The following CNTLN variants were observed in gnomAD, a reference collection of about 807,000 sequenced individuals.
The protein encoded by CNTLN is centlein, also known as centlein, centrosomal protein.
Under a neutral mutation model 180.0 loss-of-function variants are expected in CNTLN, and 212 were observed. The ratio of observed to expected loss-of-function variants is 1.18; its 90% CI spans 1.05 to 1.32. CNTLN has a LOEUF of 1.32. Among genes scored for constraint, CNTLN ranks in the 40% most tolerant of loss-of-function variants. The probability of loss-of-function intolerance (pLI) is 0.00; values close to 1 mark genes in which losing one functional copy is unlikely to be tolerated. For missense variants in CNTLN, 2,095 were observed against 1,610.9 expected, an observed-to-expected ratio of 1.30 and a Z score of -5.14; for synonymous variants, 722 against 563.1, an observed-to-expected ratio of 1.28 and a Z score of -3.99.
At position 17,416,082 on chromosome 9, in the gene CNTLN, A is replaced by G. The variant is rs1241890290; in HGVS notation, c.3007A>G (p.Lys1003Glu). Reference protein sequence around the residue: ...QQNSVLQNAKKTAELSVKEYK... With the variant: ...QQNSVLQNAKETAELSVKEYK... ...AAACAGTGTACTTCAGAATGCCAAG[A>G]AAACAGCAGAATTGTCTGTTAAAGA... Residue 1003 changes from lysine (K) to glutamate (E), a missense_variant, in exon 18 of 26, where the codon AAA becomes GAA. Transcript: ENST00000380647. The G allele has an allele frequency of 6.2e-7, 1 of 1,613,710 alleles. No individual in the cohort carries two copies. The highest frequency in any genetic ancestry group is 1.1e-5 in the South Asian group (1 of 91,058).
chr9:17,234,536 C>T (rs1209154167), intron 3 of CNTLN, among the ~76,000 whole-genome samples: 1 of 152,096 alleles, frequency 6.6e-6, no homozygotes, highest in Non-Finnish European at 1.5e-5. Context: ...CTGGATCTTC[C>T]TCTCATTTTC....
At chr9:17,284,491 G>A (rs983876303) in intron 6 of CNTLN, among the ~76,000 whole-genome samples, 1 of 151,960 alleles carries the variant, frequency 6.6e-6, no homozygotes, top group African/African-American at 2.4e-5. Flanking sequence ...GTTTTGGGAG[G>A]GTGTATGTGT....
intron 2 of CNTLN, among the ~76,000 whole-genome samples, chr9:17,154,461 C>A (rs1054227661): frequency 6.6e-6 from 1 of 152,206 alleles, no homozygotes; most frequent in African/African-American, 2.4e-5. Flanking sequence ...TGGGTATCAG[C>A]AGTAGAGGCT....
Position 17,326,743 on chromosome 9 carries a change from C to CT in CNTLN, c.1342-3888dup, listed in dbSNP as rs1157969731. On this transcript the variant is annotated intron_variant, in intron 8 of 25. Transcript: ENST00000380647. ...ATGTGATGAAAATGGCACTTTACCT[C>CT]TATGATCTTCCTTCTCAAAACTCAT... Among the ~76,000 whole-genome samples, 6 of 152,190 alleles carry CT rather than the reference C, an allele frequency of 3.9e-5. No homozygotes were observed. In the East Asian group the frequency reaches 1.2e-3, roughly 29 times the overall value.
At position 17,236,497 on chromosome 9, in the gene CNTLN, G is replaced by A. The variant is rs756530551; in HGVS notation, c.758G>A (p.Arg253His). Residue 253 changes from arginine to histidine, a missense_variant, in exon 5 of 26, where the codon CGC becomes CAC. By Grantham distance (29) the Arg-to-His change is conservative (BLOSUM62 0). Transcript: ENST00000380647. ...GAGGAAAACAAGAAATTAAGTACCC[G>A]CTGCACTGACCTGCTAAATGACCTG... Reference protein sequence around the residue: ...LEEENKKLSTRCTDLLNDLEK... With the variant: ...LEEENKKLSTHCTDLLNDLEK... 101 of 1,613,484 alleles carry A rather than the reference G, an allele frequency of 6.3e-5. No homozygotes were observed. The highest frequency in any genetic ancestry group is 1.0e-4 in the Admixed American group (6 of 59,918).
intron 2 of CNTLN, among the ~76,000 whole-genome samples, chr9:17,149,339 G>A (rs1378646796): frequency 6.6e-6 from 1 of 151,858 alleles, no homozygotes; most frequent in Non-Finnish European, 1.5e-5. Flanking sequence ...GCCTAGTAAT[G>A]GGATTGCTGG....
At chr9:17,211,583 T>C (rs1823315832) in intron 2 of CNTLN, among the ~76,000 whole-genome samples, 1 of 152,320 alleles carries the variant, frequency 6.6e-6, no homozygotes, top group South Asian at 2.1e-4. Flanking sequence ...TTTTTCCAAT[T>C]CTGTGAAGAA....
At chr9:17,218,087 A>G (rs1476234020) in intron 2 of CNTLN, among the ~76,000 whole-genome samples, 1 of 152,170 alleles carries the variant, frequency 6.6e-6, no homozygotes, top group African/African-American at 2.4e-5. Flanking sequence ...GAATAAGGAA[A>G]AAAATGTCCA....
intron 12 of CNTLN, among the ~76,000 whole-genome samples, chr9:17,347,746 C>T (rs1246048670): frequency 6.6e-6 from 1 of 151,792 alleles, no homozygotes; most frequent in Non-Finnish European, 1.5e-5. Context: ...GACATCATAG[C>T]TTAGCCTAGA....
At chr9:17,405,525 T>C (rs1371425876) in intron 15 of CNTLN, among the ~76,000 whole-genome samples, 3 of 151,668 alleles carry the variant, frequency 2.0e-5, no homozygotes, top group Non-Finnish European at 4.4e-5. Context: ...AGCCTGTTCT[T>C]ATAACAAACT....
At chr9:17,527,317 C>T in the CNTLN span, among the ~76,000 whole-genome samples, 1 of 152,174 alleles carries the variant, frequency 6.6e-6, no homozygotes, top group Non-Finnish European at 1.5e-5. Flanking sequence ...AGCCTTTCTA[C>T]TGATTTGATT....
chr9:17,432,092 A>G (rs1829450109), intron 18 of CNTLN, among the ~76,000 whole-genome samples: 1 of 152,228 alleles, frequency 6.6e-6, no homozygotes. Flanking sequence ...TGAGAGACCC[A>G]GTACTTTGAA....
At chr9:17,179,285 T>C (rs973429755) in intron 2 of CNTLN, among the ~76,000 whole-genome samples, 1 of 151,624 alleles carries the variant, frequency 6.6e-6, no homozygotes, top group Non-Finnish European at 1.5e-5. Flanking sequence ...GATTATTGAT[T>C]TGAGATTTTT....
intron 7 of CNTLN, chr9:17,299,922 T>A (rs916455441): frequency 2.5e-5 from 10 of 403,424 alleles, no homozygotes; most frequent in Admixed American, 6.4e-5. Context: ...TGTCCCTTTT[T>A]AATTTCTTTG....
At chr9:17,390,349 G>A (rs567477111) in intron 14 of CNTLN, among the ~76,000 whole-genome samples, 2 of 141,198 alleles carry the variant, frequency 1.4e-5, no homozygotes, top group East Asian at 2.2e-4. Flanking sequence ...AGCGATTCTC[G>A]TGCCTCAGTC....
At chr9:17,311,112 C>T (rs2132932656) in intron 8 of CNTLN, among the ~76,000 whole-genome samples, 1 of 152,018 alleles carries the variant, frequency 6.6e-6, no homozygotes, top group East Asian at 2.0e-4. Flanking sequence ...GGAACCTCTA[C>T]CTCCTGGGTT....
At position 17,394,591 on chromosome 9, in the gene CNTLN, G is replaced by C. The variant is rs1326656057; in HGVS notation, c.2137G>C (p.Glu713Gln). 1.3e-6 allele frequency: 2 copies of C among 1,596,268 alleles called. No individual in the cohort carries two copies. Among genetic ancestry groups the C allele is most frequent in the Non-Finnish European group, 1.7e-6 (2 of 1,175,300 alleles). Reference sequence around the variant, plus strand: ...TGAGAAAAGGTCGAGAAAATTAAAAGAAGGGAATAAAAAATTAATGAAAGA... The same window carrying C: ...TGAGAAAAGGTCGAGAAAATTAAAACAAGGGAATAAAAAATTAATGAAAGA... ...SFEKRSRKLKEGNKKLMKEND... is the reference protein window; with the variant it reads ...SFEKRSRKLKQGNKKLMKEND... The change falls in exon 15 of 26, where the codon GAA (glutamate) becomes CAA (glutamine). Residue 713 changes from glutamate (E) to glutamine (Q), a missense_variant. Transcript: ENST00000380647.
At chr9:17,148,215 A>G (rs1156745972) in intron 2 of CNTLN, among the ~76,000 whole-genome samples, 1 of 152,190 alleles carries the variant, frequency 6.6e-6, no homozygotes. Flanking sequence ...TTTGAAGCAA[A>G]TCCTAGATAT....
At chr9:17,518,704 G>A in the CNTLN span, among the ~76,000 whole-genome samples, 1 of 152,152 alleles carries the variant, frequency 6.6e-6, no homozygotes, top group Non-Finnish European at 1.5e-5. Context: ...GCAATGAAAT[G>A]TGAGTGTAAG....
Sources: gnomAD v4.1 joint callset for allele counts (sites outside exome capture counted in the v4.1 genomes callset) on GRCh38, gnomAD v4.1.1 for gene constraint, MANE v1.5 for transcripts, NCBI Gene and HGNC (gene_info 2026-07-23, HGNC 2026-07-21) for gene names.